NEK6: variants seen among roughly 807,000 people sequenced by gnomAD.
NEK6 encodes the protein NIMA related kinase 6.
In NEK6, 27 loss-of-function variants were observed where a neutral mutation model predicts 43.5. The observed-to-expected ratio is 0.62, with a 90% CI of 0.46 to 0.86. The LOEUF is 0.86. Among genes scored for constraint, NEK6 ranks in the 40% least tolerant of loss-of-function variants. The pLI, the probability that NEK6 is intolerant of heterozygous loss-of-function variation, is 0.00. For synonymous variants in NEK6, 167 were observed against 164.1 expected, an observed-to-expected ratio of 1.02 and a Z score of -0.14; for missense variants, 318 against 414.4, an observed-to-expected ratio of 0.77 and a Z score of 2.02.
chr9:124,307,934 C>A (rs147796261), intron 2 of NEK6, among the ~76,000 whole-genome samples: 1 of 152,302 alleles, frequency 6.6e-6, no homozygotes, highest in Admixed American at 6.5e-5. Flanking sequence ...CTGCTCAGGC[C>A]GTCCCAGTCC....
At chr9:124,269,334 C>G (rs901836200) in intron 1 of NEK6, among the ~76,000 whole-genome samples, 2 of 152,104 alleles carry the variant, frequency 1.3e-5, no homozygotes, top group African/African-American at 4.8e-5. Context: ...TCTGAAAACC[C>G]CCCACCCCTG....
chr9:124,271,818 G>T (rs975257109), intron 1 of NEK6, among the ~76,000 whole-genome samples: 1 of 152,258 alleles, frequency 6.6e-6, no homozygotes, highest in Admixed American at 6.5e-5. Flanking sequence ...GTCCATCCTT[G>T]TTCTTGGCAG....
intron 1 of NEK6, among the ~76,000 whole-genome samples, chr9:124,299,139 C>G (rs1034917938): frequency 6.6e-6 from 1 of 152,262 alleles, no homozygotes; most frequent in East Asian, 1.9e-4. Context: ...GCCACAGTTT[C>G]CAGTACATGG....
chr9:124,293,487 A>AT (rs1005949481), intron 1 of NEK6, among the ~76,000 whole-genome samples: 3 of 152,080 alleles, frequency 2.0e-5, no homozygotes, highest in Non-Finnish European at 4.4e-5. Flanking sequence ...CAGCTTCTGC[A>AT]TTTTTTTTCT....
At chr9:124,280,157 T>TCACACCGCCCAAAGAAACTTCCAGTC (rs1831830966) in intron 1 of NEK6, among the ~76,000 whole-genome samples, 1 of 150,300 alleles carries the variant, frequency 6.7e-6, no homozygotes. Flanking sequence ...CCTTGCAGGT[T>TCACACCGCCCAAAGAAACTTCCAGTC]CACACCGCCC....
At chr9:124,334,378 A>G (rs533462500) in intron 7 of NEK6, among the ~76,000 whole-genome samples, 51 of 152,346 alleles carry the variant, frequency 3.3e-4, no homozygotes, top group African/African-American at 1.2e-3. Context: ...CTTAGAAGAA[A>G]GCTCCAAATT....
At chr9:124,285,981 G>A (rs1224446342) in intron 1 of NEK6, among the ~76,000 whole-genome samples, 1 of 152,254 alleles carries the variant, frequency 6.6e-6, no homozygotes, top group Non-Finnish European at 1.5e-5. Flanking sequence ...GAGGCCCAGA[G>A]AGGGCAAGGG....
intron 1 of NEK6, among the ~76,000 whole-genome samples, chr9:124,294,374 G>A (rs1832576867): frequency 1.3e-5 from 2 of 152,044 alleles, no homozygotes; most frequent in African/African-American, 4.8e-5. Flanking sequence ...CATCTGGCTG[G>A]TCTGAGAAGC....
In NEK6 at chr9:124,351,171, T is replaced by C. The variant is rs1830257097; in HGVS notation, c.*224T>C. 6.1e-6 allele frequency: 3 copies of C among 492,810 alleles called. No homozygotes were observed. The highest frequency in any genetic ancestry group is 1.1e-5 in the Non-Finnish European group (3 of 269,134). The allele number at this position is 492,810 out of a possible 1,614,324, so 30.5% of individuals were successfully genotyped here. On this transcript the variant is annotated 3_prime_UTR_variant, in exon 10 of 10. Transcript: ENST00000320246. The stretch of plus-strand genomic sequence containing the variant: ...GTCAGATTCCAAAGTCCTTTCTTTA[T>C]ACTGTTGTGGACAATCTCAGCTGGG...
At chr9:124,349,894 A>C (rs751161233) in intron 9 of NEK6, among the ~76,000 whole-genome samples, 1 of 152,142 alleles carries the variant, frequency 6.6e-6, no homozygotes, top group Non-Finnish European at 1.5e-5. Context: ...GCGAGGGGAT[A>C]CCCTAAGGCT....
At chr9:124,297,892 GAA>G (rs1832771471) in intron 1 of NEK6, among the ~76,000 whole-genome samples, 1 of 152,190 alleles carries the variant, frequency 6.6e-6, no homozygotes, top group Non-Finnish European at 1.5e-5. Context: ...AACCCCCTAA[GAA>G]GCAGTTTCTG....
At chr9:124,261,883 A>G (rs1831044708) in intron 1 of NEK6, among the ~76,000 whole-genome samples, 1 of 152,168 alleles carries the variant, frequency 6.6e-6, no homozygotes, top group African/African-American at 2.4e-5. Context: ...CATTTCTGGC[A>G]TTGATGGATT....
chr9:124,261,665 T>A (rs1831035513), intron 1 of NEK6: 1 of 834,490 alleles, frequency 1.2e-6, no homozygotes, highest in African/African-American at 1.8e-5. Context: ...CGGCTTCTAC[T>A]ACATGTGCTT....
intron 8 of NEK6, among the ~76,000 whole-genome samples, chr9:124,345,175 G>C (rs537547001): frequency 6.6e-6 from 1 of 152,166 alleles, no homozygotes; most frequent in Non-Finnish European, 1.5e-5. Flanking sequence ...GCTGAGAGCC[G>C]TGGCCTCGGC....
In NEK6 at chr9:124,301,118, C is replaced by T. The variant is rs540355293; in HGVS notation, c.-29-818C>T. The stretch of plus-strand genomic sequence containing the variant: ...TTTCCCCTGGCATCAGGAAGCATCC[C>T]GGTGGCTGGGTCACACAGGTTCTAT... On this transcript the variant is annotated intron_variant, in intron 1 of 9. Transcript: ENST00000320246. Among the ~76,000 whole-genome samples, 7 of 152,328 alleles carry T rather than the reference C, an allele frequency of 4.6e-5. 1 individual carries two copies. In the South Asian group the frequency reaches 1.4e-3, roughly 32 times the overall value.
chr9:124,283,085 C>G (rs1831995381), intron 1 of NEK6, among the ~76,000 whole-genome samples: 1 of 152,228 alleles, frequency 6.6e-6, no homozygotes, highest in Non-Finnish European at 1.5e-5. Context: ...TGACAACTCC[C>G]TGCCAAGTGA....
At chr9:124,284,323 T>A (rs1832054837) in intron 1 of NEK6, among the ~76,000 whole-genome samples, 1 of 152,246 alleles carries the variant, frequency 6.6e-6, no homozygotes, top group Non-Finnish European at 1.5e-5. Flanking sequence ...CACTCCATAC[T>A]GGGCGAAGAC....
In NEK6 at chr9:124,302,081, A is replaced by G. The variant is rs761259186; in HGVS notation, c.90+27A>G. ...TAAGCCCCTTACCTTTGTCTGCAGC[A>G]CACTGAAGAGTTCCCAAGGAATACG... On this transcript the variant is annotated intron_variant, in intron 2 of 9. Coordinates refer to ENST00000320246, the MANE Select transcript of NEK6 (RefSeq NM_014397.6). 5 of 1,514,226 alleles carry G rather than the reference A, an allele frequency of 3.3e-6. No individual in the cohort carries two copies. The South Asian group carries it at 5.9e-5, about 18-fold the overall frequency. 93.8% of individuals were successfully genotyped at this position (1,514,226 alleles called of 1,614,324 possible). A position where few individuals can be genotyped will look rare whatever the true frequency, so the allele number is the denominator to read the frequency against.
intron 1 of NEK6, among the ~76,000 whole-genome samples, chr9:124,284,602 G>C (rs1832069580): frequency 6.6e-6 from 1 of 152,262 alleles, no homozygotes; most frequent in African/African-American, 2.4e-5. Context: ...TCTTAAAAAG[G>C]CAGGACTGAG....
Sources: gnomAD v4.1 joint callset for allele counts (sites outside exome capture counted in the v4.1 genomes callset) on GRCh38, gnomAD v4.1.1 for gene constraint, MANE v1.5 for transcripts, NCBI Gene and HGNC (gene_info 2026-07-23, HGNC 2026-07-21) for gene names.